Variants in UCK2 observed in about 807,000 individuals in gnomAD.
UCK2 encodes the protein uridine-cytidine kinase 2.
A neutral mutation model predicts 30.8 loss-of-function variants in UCK2; 6 were observed. The observed-to-expected ratio is 0.19, with a 90% CI of 0.11 to 0.38. The LOEUF (loss-of-function observed/expected upper bound fraction) is 0.38. Among genes scored for constraint, UCK2 ranks in the 10% least tolerant of loss-of-function variants. The pLI is 1.00. For synonymous variants in UCK2, 125 were observed against 133.6 expected (o/e 0.94, Z 0.45); for missense variants, 210 against 339.8 (o/e 0.62, Z 3.00).
intron 3 of UCK2, chr1:165,895,629 C>A (rs944206495): frequency 4.8e-5 from 47 of 985,604 alleles, no homozygotes; most frequent in South Asian, 1.9e-4. Context: ...TACTTCCTCA[C>A]AAATGCTTTC....
intron 1 of UCK2, among the ~76,000 whole-genome samples, chr1:165,881,384 C>A (rs938049536): frequency 1.3e-5 from 2 of 151,856 alleles, no homozygotes; most frequent in African/African-American, 4.8e-5. Flanking sequence ...TGTTTTCTAT[C>A]TTGATCAATT....
chr1:165,843,755 C>T (rs947006094), intron 1 of UCK2, among the ~76,000 whole-genome samples: 3 of 152,180 alleles, frequency 2.0e-5, no homozygotes, highest in African/African-American at 7.2e-5. Flanking sequence ...AACAGGAGAA[C>T]AACCTTTATC....
At chr1:165,903,565 G>A (rs986298149) in intron 5 of UCK2, among the ~76,000 whole-genome samples, 1 of 152,134 alleles carries the variant, frequency 6.6e-6, no homozygotes, top group African/African-American at 2.4e-5. Flanking sequence ...TTGCTTGGTG[G>A]GGTCATGGTG....
chr1:165,878,710 C>G (rs1655400535), intron 1 of UCK2, among the ~76,000 whole-genome samples: 1 of 152,224 alleles, frequency 6.6e-6, no homozygotes, highest in Non-Finnish European at 1.5e-5. Context: ...TTTATTCATT[C>G]ACCTACTTTA....
At chr1:165,880,395 C>G (rs542270736) in intron 1 of UCK2, among the ~76,000 whole-genome samples, 3 of 152,148 alleles carry the variant, frequency 2.0e-5, no homozygotes, top group Non-Finnish European at 4.4e-5. Flanking sequence ...TGCCTCTTAA[C>G]GCTCAAGTAA....
At chr1:165,881,311 T>A (rs1361726450) in intron 1 of UCK2, among the ~76,000 whole-genome samples, 1 of 152,190 alleles carries the variant, frequency 6.6e-6, no homozygotes, top group African/African-American at 2.4e-5. Flanking sequence ...GTCAGAGTAT[T>A]TGTACTATAT....
chr1:165,903,175 C>T lies in UCK2; in HGVS notation c.500-7C>T. The stretch of plus-strand genomic sequence containing the variant: ...TTTTTTGATTCTTGTTTTCCCTTCT[C>T]TTACAGTATTAAGGGACATCAGCGA... On this transcript the variant is annotated splice_polypyrimidine_tract_variant and splice_region_variant and intron_variant, in intron 4 of 6. Coordinates refer to ENST00000367879, the MANE Select transcript of UCK2 (RefSeq NM_012474.5). The T allele has an allele frequency of 1.2e-6, 2 of 1,609,792 alleles. No individual in the cohort carries two copies. Among genetic ancestry groups the T allele is most frequent in the South Asian group, 2.2e-5 (2 of 90,682 alleles).
chr1:165,836,868 A>G (rs1654206819), intron 1 of UCK2, among the ~76,000 whole-genome samples: 1 of 152,182 alleles, frequency 6.6e-6, no homozygotes, highest in Non-Finnish European at 1.5e-5. Flanking sequence ...TATTTCTTAC[A>G]GTTCTGGAGG....
At chr1:165,845,425 T>G (rs552908647) in intron 1 of UCK2, among the ~76,000 whole-genome samples, 50 of 152,344 alleles carry the variant, frequency 3.3e-4, no homozygotes, top group South Asian at 6.2e-4. Context: ...ACAGATGTAG[T>G]ACTTATAAAA....
At chr1:165,872,860 CTG>C (rs1655236906) in intron 1 of UCK2, among the ~76,000 whole-genome samples, 1 of 152,108 alleles carries the variant, frequency 6.6e-6, no homozygotes, top group Admixed American at 6.5e-5. Flanking sequence ...GTACACGAAA[CTG>C]AAAACAGTAG....
At chr1:165,860,746 C>T (rs767422275) in intron 1 of UCK2, among the ~76,000 whole-genome samples, 24 of 152,012 alleles carry the variant, frequency 1.6e-4, no homozygotes, top group East Asian at 5.8e-4. Flanking sequence ...CACAGCGCCC[C>T]GCCCCAGAGT....
At chr1:165,900,257 G>A (rs1557849646) in intron 4 of UCK2, 1 of 152,232 alleles carries the variant, frequency 6.6e-6, no homozygotes, top group Middle Eastern at 3.2e-3. Flanking sequence ...TGTTGTGGTC[G>A]TAATCATCAT....
chr1:165,896,120 C>T, intron 3 of UCK2, 70 bp from the exon 4 acceptor site: 2 of 1,593,736 alleles, frequency 1.3e-6, no homozygotes, highest in Non-Finnish European at 1.7e-6. Flanking sequence ...GCCAGATGTT[C>T]TGGCCCTTGT....
chr1:165,876,199 A>G (rs942530878), intron 1 of UCK2, among the ~76,000 whole-genome samples: 1 of 152,162 alleles, frequency 6.6e-6, no homozygotes, highest in Non-Finnish European at 1.5e-5. Flanking sequence ...GGGCATTTCT[A>G]TGGAAACACA....
rs1647533679 is a variant in UCK2 at position 165,903,052 on chromosome 1, C to T, written c.500-130C>T. ...TGCTGATCTGCTCTTGGTCAAGCCT[C>T]TCAGGATTCCAGCTTGAGAATCATC... is the stretch of plus-strand genomic sequence containing the variant. On this transcript the variant is annotated intron_variant, in intron 4 of 6. Coordinates refer to ENST00000367879, the MANE Select transcript of UCK2 (RefSeq NM_012474.5). 5 of 682,132 alleles carry T rather than the reference C, an allele frequency of 7.3e-6. 1 individual carries two copies. Among genetic ancestry groups the T allele is most frequent in the Non-Finnish European group, 1.3e-5 (5 of 398,244 alleles). 42.3% of individuals were successfully genotyped at this position (682,132 alleles called of 1,614,324 possible). A position where few individuals can be genotyped will look rare whatever the true frequency, so the allele number is the denominator to read the frequency against.
rs146320863 is a variant in UCK2, at chr1:165,837,240, T to C, written c.99+9308T>C. Among the ~76,000 whole-genome samples, 9 of 152,304 alleles carry C rather than the reference T, an allele frequency of 5.9e-5. No homozygotes were observed. The East Asian group carries it at 1.2e-3, about 20-fold the overall frequency. On this transcript the variant is annotated intron_variant, in intron 1 of 6. Transcript: ENST00000367879. ...CCAGCCCACTGTTGCCACTTACTTA[T>C]TAAGTATCTGTATATTCATCTACAG...
At chr1:165,868,689 T>C (rs1268083014) in intron 1 of UCK2, among the ~76,000 whole-genome samples, 3 of 152,244 alleles carry the variant, frequency 2.0e-5, no homozygotes, top group Non-Finnish European at 4.4e-5. Context: ...GATTAGGCTT[T>C]GGTTCAAGGG....
chr1:165,835,946 C>T (rs1446872455), intron 1 of UCK2, among the ~76,000 whole-genome samples: 1 of 152,140 alleles, frequency 6.6e-6, no homozygotes, highest in Non-Finnish European at 1.5e-5. Flanking sequence ...CAAATGGATA[C>T]TGCCGGGCGC....
At chr1:165,897,693 G>A (rs537434489) in intron 4 of UCK2, among the ~76,000 whole-genome samples, 1 of 152,242 alleles carries the variant, frequency 6.6e-6, no homozygotes, top group Non-Finnish European at 1.5e-5. Context: ...ATCCCATTTA[G>A]CACCGTAATT....
Sources: gnomAD v4.1 joint callset for allele counts (sites outside exome capture counted in the v4.1 genomes callset) on GRCh38, gnomAD v4.1.1 for gene constraint, MANE v1.5 for transcripts, NCBI Gene and HGNC (gene_info 2026-07-23, HGNC 2026-07-21) for gene names.